Variants in SHISA9 observed in about 807,000 individuals in gnomAD.
The protein encoded by SHISA9 is shisa family member 9.
A neutral mutation model predicts 38.0 loss-of-function variants in SHISA9; 13 were observed. That is an observed-to-expected ratio of 0.34 (90% CI 0.22 to 0.54). SHISA9 has a LOEUF of 0.54. Among genes scored for constraint, SHISA9 ranks in the 20% least tolerant of loss-of-function variants. The pLI is 0.91. For synonymous variants in SHISA9, 275 were observed against 242.0 expected (o/e 1.14, Z -1.27); for missense variants, 538 against 575.8 (o/e 0.93, Z 0.67).
intron 1 of SHISA9, chr16:12,908,734 T>C: frequency 6.9e-7 from 1 of 1,438,924 alleles, no homozygotes; most frequent in Non-Finnish European, 9.1e-7. Context: ...AGATGAAGTC[T>C]AGGAATGCTT....
At chr16:13,037,610 G>A (rs911757061) in intron 2 of SHISA9, among the ~76,000 whole-genome samples, 1 of 152,034 alleles carries the variant, frequency 6.6e-6, no homozygotes, top group Non-Finnish European at 1.5e-5. Context: ...CAAACCTGGG[G>A]CCCTTGCCTG....
chr16:12,907,400 T>A (rs2071116701), intron 1 of SHISA9, among the ~76,000 whole-genome samples: 1 of 146,232 alleles, frequency 6.8e-6, no homozygotes, highest in Admixed American at 6.9e-5. Context: ...CCTCTTCCCC[T>A]CCCTCCCTTT....
chr16:13,167,236 C>T (rs942895228), intron 2 of SHISA9, among the ~76,000 whole-genome samples: 2 of 152,032 alleles, frequency 1.3e-5, no homozygotes, highest in East Asian at 1.9e-4. Context: ...CCACACCTGG[C>T]TAATTTTGTA....
chr16:13,122,806 G>A (rs1356618620), intron 2 of SHISA9, among the ~76,000 whole-genome samples: 2 of 152,224 alleles, frequency 1.3e-5, no homozygotes, highest in Non-Finnish European at 2.9e-5. Context: ...TAGCACTTTG[G>A]GAGGCCGAGG....
At chr16:12,978,349 G>A (rs1028746251) in intron 2 of SHISA9, among the ~76,000 whole-genome samples, 7 of 152,170 alleles carry the variant, frequency 4.6e-5, no homozygotes, top group Admixed American at 6.5e-5. Flanking sequence ...TATGATAGCC[G>A]ATTTATATAG....
downstream of SHISA9, among the ~76,000 whole-genome samples, chr16:13,243,800 G>T (rs1196004238): frequency 1.4e-4 from 18 of 128,734 alleles, no homozygotes; most frequent in Admixed American, 1.5e-3. Context: ...TTGAGATGGA[G>T]TCTTGCTCTG....
chr16:13,081,616 T>C (rs1430074760), intron 2 of SHISA9, among the ~76,000 whole-genome samples: 1 of 152,056 alleles, frequency 6.6e-6, no homozygotes, highest in Non-Finnish European at 1.5e-5. Flanking sequence ...CTATGGTGTA[T>C]ATCACCAGAT....
At chr16:12,906,514 A>C (rs1250266775) in intron 1 of SHISA9, among the ~76,000 whole-genome samples, 3 of 152,188 alleles carry the variant, frequency 2.0e-5, no homozygotes, top group Non-Finnish European at 2.9e-5. Context: ...CCCATTGAGC[A>C]GCTGCAAGAG....
chr16:13,149,404 G>A (rs979474307), intron 2 of SHISA9, among the ~76,000 whole-genome samples: 3 of 152,116 alleles, frequency 2.0e-5, no homozygotes, highest in Non-Finnish European at 4.4e-5. Flanking sequence ...GTCACAGAGG[G>A]TTTCCTGAAT....
the SHISA9 span, among the ~76,000 whole-genome samples, chr16:13,414,706 G>A: frequency 2.8e-5 from 4 of 144,544 alleles, no homozygotes; most frequent in South Asian, 2.2e-4. Context: ...GTGCAGTGGC[G>A]CGATCTTGGG....
At chr16:13,102,078 G>C (rs893645385) in intron 2 of SHISA9, among the ~76,000 whole-genome samples, 1 of 152,046 alleles carries the variant, frequency 6.6e-6, no homozygotes, top group African/African-American at 2.4e-5. Flanking sequence ...TACATTCCCC[G>C]ACTGTCCCCT....
chr16:13,055,244 A>AT (rs2073297049), intron 2 of SHISA9, among the ~76,000 whole-genome samples: 1 of 152,188 alleles, frequency 6.6e-6, no homozygotes, highest in African/African-American at 2.4e-5. Context: ...AAAGTAAGTG[A>AT]TTTTCCCAAG....
intron 2 of SHISA9, among the ~76,000 whole-genome samples, chr16:12,924,293 T>C (rs12922377): frequency 0.26 from 39,388 of 152,170 alleles, 5,769 homozygotes; most frequent in Middle Eastern, 0.35. Context: ...TATTCATCCC[T>C]GTATTGCCAA....
At chr16:13,070,297 CCT>C (rs1194033066) in intron 2 of SHISA9, among the ~76,000 whole-genome samples, 2 of 152,150 alleles carry the variant, frequency 1.3e-5, no homozygotes, top group Non-Finnish European at 2.9e-5. Flanking sequence ...TGTCTCCCTC[CCT>C]CTCTCTTTCT....
the SHISA9 span, among the ~76,000 whole-genome samples, chr16:13,450,866 C>T: frequency 2.6e-5 from 4 of 152,152 alleles, no homozygotes; most frequent in South Asian, 4.1e-4. Flanking sequence ...TCCGATATGG[C>T]GGCAGGAGGC....
At chr16:13,327,072 G>A in the SHISA9 span, among the ~76,000 whole-genome samples, 2 of 152,146 alleles carry the variant, frequency 1.3e-5, no homozygotes, top group Non-Finnish European at 2.9e-5. Flanking sequence ...TCTTGGCATT[G>A]TGTTTACCAA....
chr16:13,516,443 A>T, the SHISA9 span, among the ~76,000 whole-genome samples: 1 of 152,160 alleles, frequency 6.6e-6, no homozygotes, highest in African/African-American at 2.4e-5. Flanking sequence ...GGTAATCAGG[A>T]CCGAAGAGAG....
intron 4 of SHISA9, among the ~76,000 whole-genome samples, chr16:13,222,390 C>T (rs2051235955): frequency 6.6e-6 from 1 of 152,180 alleles, no homozygotes. Flanking sequence ...TCCTCATCTG[C>T]ATTGTTATAG....
chr16:12,971,761 A>C (rs1026002244), intron 2 of SHISA9, among the ~76,000 whole-genome samples: 4 of 152,164 alleles, frequency 2.6e-5, no homozygotes, highest in Non-Finnish European at 4.4e-5. Context: ...AAAGCAGCCA[A>C]AGTAAGGAAA....
Sources: allele counts gnomAD v4.1 joint callset (sites outside exome capture counted in the v4.1 genomes callset), GRCh38; gene constraint gnomAD v4.1.1; transcripts MANE v1.5; gene names NCBI Gene and HGNC (gene_info 2026-07-23, HGNC 2026-07-21).